Variants in SNX7 observed in about 807,000 individuals in gnomAD.
SNX7 encodes sorting nexin 7.
Under a neutral mutation model 48.4 loss-of-function variants are expected in SNX7, and 35 were observed. That is an observed-to-expected ratio of 0.72 (90% confidence interval 0.55 to 0.96). SNX7 has a LOEUF of 0.96. Among genes scored for constraint, SNX7 ranks in the 40% least tolerant of loss-of-function variants. The pLI is 0.00. For synonymous variants in SNX7, 190 were observed against 190.2 expected, an observed-to-expected ratio of 1.00 and a Z score of 0.01; for missense variants, 553 against 548.9, an observed-to-expected ratio of 1.01 and a Z score of -0.07.
chr1:98,716,571 G>A (rs1411975402), intron 7 of SNX7, among the ~76,000 whole-genome samples: 6 of 152,108 alleles, frequency 3.9e-5, no homozygotes, highest in East Asian at 1.9e-4. Flanking sequence ...CATGAGTAGG[G>A]GGTGATGATG....
rs1384143850 is a variant in SNX7 at position 98,715,677 on chromosome 1, A to T, written c.1125+13774A>T. On this transcript the variant is annotated intron_variant, in intron 7 of 8. Transcript: ENST00000306121. Reference sequence around the variant, plus strand: ...GCTTCTATGCCCTTTTGATATGTTCACATCATTTTGATCACCTCTTTGCTT... The same window carrying T: ...GCTTCTATGCCCTTTTGATATGTTCTCATCATTTTGATCACCTCTTTGCTT... Among the ~76,000 whole-genome samples the T allele has an allele frequency of 2.0e-5, 3 of 152,178 alleles. No individual in the cohort carries two copies. In the East Asian group the frequency reaches 5.8e-4, roughly 29 times the overall value.
intron 6 of SNX7, among the ~76,000 whole-genome samples, chr1:98,700,380 A>G (rs1231455574): frequency 6.6e-6 from 1 of 152,198 alleles, no homozygotes; most frequent in Non-Finnish European, 1.5e-5. Flanking sequence ...ACAAACCTTA[A>G]ATAAATAGGA....
intron 8 of SNX7, among the ~76,000 whole-genome samples, chr1:98,752,296 G>A (rs1413033603): frequency 4.6e-5 from 7 of 152,048 alleles, no homozygotes; most frequent in Non-Finnish European, 8.8e-5. Context: ...GAGCCTTAGA[G>A]ATCATCTTTT....
intron 7 of SNX7, among the ~76,000 whole-genome samples, chr1:98,732,223 A>C (rs182564717): frequency 6.8e-4 from 104 of 152,262 alleles, no homozygotes; most frequent in Non-Finnish European, 1.3e-3. Context: ...AGTATCTGAG[A>C]TGTGTCTTAA....
At chr1:98,717,569 T>C (rs1652655196) in intron 7 of SNX7, among the ~76,000 whole-genome samples, 1 of 152,146 alleles carries the variant, frequency 6.6e-6, no homozygotes, top group Admixed American at 6.6e-5. Flanking sequence ...ATGCTTCAAA[T>C]AATTAATACC....
intron 6 of SNX7, among the ~76,000 whole-genome samples, chr1:98,699,541 T>C (rs778681751): frequency 6.6e-6 from 1 of 152,176 alleles, no homozygotes; most frequent in Non-Finnish European, 1.5e-5. Context: ...TACAATACTT[T>C]ACACAGGCAA....
At chr1:98,694,596 ATTTTTTTTTTTTTTT>A (rs764330196) in intron 4 of SNX7, among the ~76,000 whole-genome samples, 2 of 53,224 alleles carry the variant, frequency 3.8e-5, no homozygotes, top group African/African-American at 1.7e-4. Context: ...TTGCTCTGGG[ATTTTTTTTTTTTTTT>A]TTTTTTTTTT....
intron 7 of SNX7, among the ~76,000 whole-genome samples, chr1:98,715,163 G>T (rs749992087): frequency 6.6e-6 from 1 of 152,090 alleles, no homozygotes; most frequent in Non-Finnish European, 1.5e-5. Context: ...ACAGTATTTA[G>T]TTAGATGTCT....
intron 1 of SNX7, among the ~76,000 whole-genome samples, chr1:98,671,571 C>T (rs1158344184): frequency 2.6e-5 from 4 of 151,670 alleles, no homozygotes; most frequent in African/African-American, 7.3e-5. Flanking sequence ...TAAAATTCAC[C>T]CATTTTGGGT....
At chr1:98,755,414 G>C (rs960215592) in intron 8 of SNX7, among the ~76,000 whole-genome samples, 1 of 151,934 alleles carries the variant, frequency 6.6e-6, no homozygotes, top group African/African-American at 2.4e-5. Context: ...TTGTAGATTT[G>C]TCTTTCTCCT....
intron 1 of SNX7, among the ~76,000 whole-genome samples, chr1:98,665,995 A>G (rs1422151765): frequency 2.6e-5 from 4 of 152,200 alleles, no homozygotes; most frequent in Non-Finnish European, 5.9e-5. Context: ...TTGGAAATTC[A>G]GTATAGTGAT....
At position 98,661,761 on chromosome 1, in the gene SNX7, G is replaced by A. The variant is rs1298957948; in HGVS notation, c.30G>A (p.Ala10=). Residue 10 remains alanine, a synonymous_variant, in exon 1 of 9, where the codon GCG becomes GCA. Transcript: ENST00000306121. ...AGGGCGAGCGCCGGGCATCGCAGGC[G>A]CCCTCCTCGGGCCTCCCGGCCGGGG... MEGERRASQ[A]PSSGLPAGGA... 7 of 1,239,034 alleles carry A rather than the reference G, an allele frequency of 5.6e-6. No homozygotes were observed. In the African/African-American group the frequency reaches 7.8e-5, roughly 14 times the overall value. 76.8% of individuals were successfully genotyped at this position (1,239,034 alleles called of 1,614,324 possible).
intron 7 of SNX7, among the ~76,000 whole-genome samples, chr1:98,723,416 G>C (rs2101010432): frequency 6.6e-6 from 1 of 151,406 alleles, no homozygotes; most frequent in Non-Finnish European, 1.5e-5. Context: ...TTATTTTTTT[G>C]GCTTGTATTT....
At chr1:98,756,414 C>A in intron 8 of SNX7, among the ~76,000 whole-genome samples, 1 of 105,490 alleles carries the variant, frequency 9.5e-6, no homozygotes, top group Non-Finnish European at 2.1e-5. Flanking sequence ...TTTTTTTCTG[C>A]CAGATGAGTT....
At chr1:98,685,759 C>T (rs1396594143) in intron 2 of SNX7, among the ~76,000 whole-genome samples, 3 of 152,040 alleles carry the variant, frequency 2.0e-5, no homozygotes, top group African/African-American at 7.2e-5. Context: ...CTTTTTTTAG[C>T]TGAAAAAGTT....
At chr1:98,683,921 G>C (rs892669271) in intron 1 of SNX7, among the ~76,000 whole-genome samples, 2 of 152,112 alleles carry the variant, frequency 1.3e-5, no homozygotes, top group African/African-American at 4.8e-5. Flanking sequence ...TCAGAAAGTA[G>C]ACTTCCAGTG....
rs2100964630 is a variant in SNX7 at position 98,695,655 on chromosome 1, A to G, written c.777A>G (p.Leu259=). 1.2e-6 allele frequency: 2 copies of G among 1,608,572 alleles called. No individual in the cohort carries two copies. The highest frequency in any genetic ancestry group is 1.1e-5 in the South Asian group (1 of 90,962). ...EFMEMNNFIE[L]FSQKINLIDK... ...TGGAAATGAATAACTTTATTGAACT[A>G]TTTAGCCAGAAAATAAATTTGATAG... The change falls in exon 5 of 9, where the codon CTA becomes CTG. Residue 259 remains leucine, a synonymous_variant. Coordinates refer to ENST00000306121, the MANE Select transcript of SNX7 (RefSeq NM_015976.5).
At chr1:98,724,449 A>G (rs552328184) in intron 7 of SNX7, among the ~76,000 whole-genome samples, 1 of 151,898 alleles carries the variant, frequency 6.6e-6, no homozygotes, top group Non-Finnish European at 1.5e-5. Flanking sequence ...TGAGAATGTT[A>G]TTATTTGTTA....
At chr1:98,677,846 C>T (rs1393191420) in intron 1 of SNX7, among the ~76,000 whole-genome samples, 2 of 149,468 alleles carry the variant, frequency 1.3e-5, no homozygotes, top group African/African-American at 4.9e-5. Flanking sequence ...CCACTGCACT[C>T]CAGCCTGGGT....
Sources: gnomAD v4.1 joint callset for allele counts (sites outside exome capture counted in the v4.1 genomes callset) on GRCh38, gnomAD v4.1.1 for gene constraint, MANE v1.5 for transcripts, NCBI Gene and HGNC (gene_info 2026-07-23, HGNC 2026-07-21) for gene names.